Variants in TBCD observed in about 807,000 individuals in gnomAD.
TBCD encodes the protein tubulin-specific chaperone D.
A neutral mutation model predicts 169.3 loss-of-function variants in TBCD; 105 were observed. That is an observed-to-expected ratio of 0.62 (90% CI 0.53 to 0.73). The LOEUF is 0.73. Among genes scored for constraint, TBCD ranks in the 30% least tolerant of loss-of-function variants. The pLI, the probability that TBCD is intolerant of heterozygous loss-of-function variation, is 0.00. For missense variants in TBCD, 1,444 were observed against 1,600.1 expected (o/e 0.90, Z 1.66); for synonymous variants, 700 against 643.9 (o/e 1.09, Z -1.32).
At chr17:82,878,437 CT>C (rs1411015402) in intron 14 of TBCD, among the ~76,000 whole-genome samples, 2 of 152,210 alleles carry the variant, frequency 1.3e-5, no homozygotes, top group East Asian at 3.9e-4. Context: ...CTTTCCGCCC[CT>C]GTGGATTTGA....
intron 13 of TBCD, among the ~76,000 whole-genome samples, chr17:82,842,821 C>T (rs1431436595): frequency 6.8e-6 from 1 of 147,120 alleles, no homozygotes; most frequent in African/African-American, 2.5e-5. Context: ...CGCTCTGTCA[C>T]CCAGGCTGGA....
chr17:82,757,490 C>T (rs1350943121), intron 2 of TBCD, among the ~76,000 whole-genome samples: 1 of 151,914 alleles, frequency 6.6e-6, no homozygotes, highest in Non-Finnish European at 1.5e-5. Context: ...GGCATGCTGG[C>T]AGTTGCCTGT....
chr17:82,766,492 C>T lies in TBCD; in HGVS notation c.435+124C>T, dbSNP rs2048023722. On this transcript the variant is annotated intron_variant, in intron 4 of 38. Transcript: ENST00000355528. ...CATTTTATCTCCCTTTGTTTTGTGTCACTCCTCTTTTCTTTCTTTTCTTTT... is the reference window on the plus strand; with the variant it reads ...CATTTTATCTCCCTTTGTTTTGTGTTACTCCTCTTTTCTTTCTTTTCTTTT... 3 of 584,980 alleles carry T rather than the reference C, an allele frequency of 5.1e-6. No individual in the cohort carries two copies. The East Asian group carries it at 9.2e-5, about 18-fold the overall frequency. The allele number at this position is 584,980 out of a possible 1,614,324, so 36.2% of individuals were successfully genotyped here.
At chr17:82,919,044 C>T (rs942880286) in intron 23 of TBCD, among the ~76,000 whole-genome samples, 3 of 152,152 alleles carry the variant, frequency 2.0e-5, no homozygotes, top group South Asian at 2.1e-4. Context: ...TTTTAGGAGA[C>T]GTTGTAGGAC....
At chr17:82,929,077 C>T (rs1458039837) in intron 30 of TBCD, 36 bp from the exon 31 acceptor site, 4 of 1,591,244 alleles carry the variant, frequency 2.5e-6, no homozygotes, top group South Asian at 1.1e-5. Context: ...TAATTTACCG[C>T]CCGCCCTTGG....
intron 18 of TBCD, among the ~76,000 whole-genome samples, chr17:82,901,822 G>C (rs1190181334): frequency 6.6e-6 from 1 of 152,200 alleles, no homozygotes; most frequent in East Asian, 1.9e-4. Context: ...TGAGACTCGG[G>C]GTGTCCCTGC....
chr17:82,802,800 G>A (rs768300034), intron 9 of TBCD, among the ~76,000 whole-genome samples: 1 of 152,240 alleles, frequency 6.6e-6, no homozygotes, highest in African/African-American at 2.4e-5. Flanking sequence ...CCTGACACAA[G>A]CACTGGAAGC....
At chr17:82,823,521 C>A (rs932490352) in intron 13 of TBCD, among the ~76,000 whole-genome samples, 2 of 152,024 alleles carry the variant, frequency 1.3e-5, no homozygotes, top group Non-Finnish European at 2.9e-5. Flanking sequence ...TGTTGCACTC[C>A]GCCCTGCTCT....
In TBCD at chr17:82,921,571, G is replaced by T; in HGVS notation, c.2172G>T (p.Gln724His). ...LHLISSHSRQ[Q>H]MKDAAVSALA... ...TCATCTCAAGTCACTCCCGCCAGCAGATGAAGGTACAGTGAGCATGGGCGT... is the reference window on the plus strand; with the variant it reads ...TCATCTCAAGTCACTCCCGCCAGCATATGAAGGTACAGTGAGCATGGGCGT... The change falls in exon 25 of 39, where the codon CAG (glutamine) becomes CAT (histidine). Residue 724 changes from glutamine to histidine, a missense_variant. By Grantham distance (24) the Gln-to-His change is conservative. Transcript: ENST00000355528. The T allele has an allele frequency of 6.2e-7, 1 of 1,614,042 alleles. No individual in the cohort carries two copies. The highest frequency in any genetic ancestry group is 8.5e-7 in the Non-Finnish European group (1 of 1,179,894).
At chr17:82,851,936 G>A (rs752432110) in intron 13 of TBCD, among the ~76,000 whole-genome samples, 3 of 152,170 alleles carry the variant, frequency 2.0e-5, no homozygotes, top group Non-Finnish European at 4.4e-5. Flanking sequence ...CTGCTTCAGC[G>A]CATCTGCTTG....
chr17:82,909,181 ATCT>A, intron 21 of TBCD, 101 bp from the exon 22 acceptor site: 1 of 978,792 alleles, frequency 1.0e-6, no homozygotes, highest in South Asian at 1.7e-5. Flanking sequence ...CTGGCATGGC[ATCT>A]TCTGCCATTT....
intron 7 of TBCD, among the ~76,000 whole-genome samples, chr17:82,788,315 G>C (rs146385739): frequency 2.6e-4 from 40 of 152,198 alleles, no homozygotes; most frequent in Non-Finnish European, 5.3e-4. Flanking sequence ...GTGCTCTCTT[G>C]GTTTCTAGTG....
At chr17:82,774,390 C>T (rs1598430028) in intron 6 of TBCD, among the ~76,000 whole-genome samples, 1 of 152,214 alleles carries the variant, frequency 6.6e-6, no homozygotes, top group Non-Finnish European at 1.5e-5. Context: ...TTAACAGCAT[C>T]CCAAGGCAGA....
chr17:82,830,327 A>G, intron 13 of TBCD: 1 of 1,614,026 alleles, frequency 6.2e-7, no homozygotes, highest in Non-Finnish European at 8.5e-7. Context: ...TCTTGCCGGC[A>G]GGCAGGTTCC....
intron 13 of TBCD, among the ~76,000 whole-genome samples, chr17:82,853,397 C>T (rs915983152): frequency 8.2e-5 from 12 of 146,152 alleles, no homozygotes; most frequent in African/African-American, 2.5e-4. Flanking sequence ...GCAACACCCC[C>T]CCTCCTTTTT....
intron 20 of TBCD, among the ~76,000 whole-genome samples, chr17:82,907,016 G>A (rs2060297701): frequency 6.6e-6 from 1 of 152,256 alleles, no homozygotes; most frequent in Non-Finnish European, 1.5e-5. Context: ...CACCTGTGAG[G>A]TGTCTATCAG....
chr17:82,897,441 C>T (rs1431542339), intron 17 of TBCD, among the ~76,000 whole-genome samples: 2 of 151,394 alleles, frequency 1.3e-5, no homozygotes, highest in South Asian at 2.1e-4. Context: ...TCACTTGATC[C>T]CGGGAGGCGG....
rs891596358 is a variant in TBCD at position 82,830,003 on chromosome 17, G to T, written c.1318+15069G>T. On this transcript the variant is annotated intron_variant, in intron 13 of 38. Coordinates refer to ENST00000355528, the MANE Select transcript of TBCD (RefSeq NM_005993.5). ...AACTGAATTGGAGGGTTTTTTGTTT[G>T]TTTGTTTGTTTGTTTTTTTGAGAAG... is the stretch of plus-strand genomic sequence containing the variant. 7 of 1,328,014 alleles carry T rather than the reference G, an allele frequency of 5.3e-6. No homozygotes were observed. The Admixed American group carries it at 1.1e-4, about 21-fold the overall frequency. 82.3% of individuals were successfully genotyped at this position (1,328,014 alleles called of 1,614,324 possible).
intron 13 of TBCD, among the ~76,000 whole-genome samples, chr17:82,863,246 G>T (rs752539918): frequency 6.6e-6 from 1 of 152,170 alleles, no homozygotes; most frequent in Non-Finnish European, 1.5e-5. Context: ...AGGCTGGGTG[G>T]CAGATGCCCC....
Sources: allele counts gnomAD v4.1 joint callset (sites outside exome capture counted in the v4.1 genomes callset), GRCh38; gene constraint gnomAD v4.1.1; transcripts MANE v1.5; gene names NCBI Gene and HGNC (gene_info 2026-07-23, HGNC 2026-07-21).